ACSM4: variants seen among roughly 807,000 people sequenced by gnomAD.
ACSM4 encodes the protein acyl-CoA synthetase medium chain family member 4.
A neutral mutation model predicts 73.0 loss-of-function variants in ACSM4; 66 were observed. That is an observed-to-expected ratio of 0.90 (90% CI 0.74 to 1.11). The LOEUF (loss-of-function observed/expected upper bound fraction) is 1.11, where lower values mean the gene tolerates loss of function less well. ACSM4 is among the 50% of genes least tolerant of loss of function. The pLI is 0.00. For missense variants in ACSM4, 645 were observed against 714.4 expected (o/e 0.90, Z 1.11); for synonymous variants, 222 against 254.0 (o/e 0.87, Z 1.20).
intron 3 of ACSM4, among the ~76,000 whole-genome samples, chr12:7,313,035 G>A (rs1946400182): frequency 6.6e-6 from 1 of 152,116 alleles, no homozygotes; most frequent in South Asian, 2.1e-4. Flanking sequence ...TTGTGCCACT[G>A]CACTCTAGCC....
chr12:7,325,641 T>C (rs1328076744), intron 11 of ACSM4, among the ~76,000 whole-genome samples: 2 of 152,174 alleles, frequency 1.3e-5, no homozygotes, highest in African/African-American at 4.8e-5. Context: ...AGACAGACTC[T>C]GTCTCAAAGA....
chr12:7,323,281 A>G lies in ACSM4; in HGVS notation c.1173A>G (p.Ser391=). 1 of 1,611,554 alleles carries G rather than the reference A, an allele frequency of 6.2e-7. No individual in the cohort carries two copies. The highest frequency in any genetic ancestry group is 8.5e-7 in the Non-Finnish European group (1 of 1,178,954). ...NQKGQEIKPG[S]MGKGMLPYDV... ...AAGGCCAAGAAATTAAACCAGGTTC[A>G]ATGGGGAAAGGAATGCTGCCCTATG... The change falls in exon 8 of 13, where the codon TCA becomes TCG. Residue 391 remains serine (S), a synonymous_variant. Coordinates refer to ENST00000399422, the MANE Select transcript of ACSM4 (RefSeq NM_001080454.2).
At chr12:7,310,454 T>C (rs763834017) in intron 2 of ACSM4, 85 bp from the exon 3 acceptor site, 1 of 1,311,972 alleles carries the variant, frequency 7.6e-7, no homozygotes, top group Non-Finnish European at 1.1e-6. Context: ...TGGATTGTGA[T>C]GCTTCTCCTC....
At chr12:7,322,610 C>A (rs1946472568) in intron 7 of ACSM4, 69 bp downstream of exon 7, 8 of 1,519,374 alleles carry the variant, frequency 5.3e-6, no homozygotes, top group Non-Finnish European at 7.1e-6. Context: ...TCAACTGAGC[C>A]CCTGAAGTGC....
At chr12:7,317,577 C>G (rs1027005124) in intron 4 of ACSM4, among the ~76,000 whole-genome samples, 1 of 152,180 alleles carries the variant, frequency 6.6e-6, no homozygotes, top group African/African-American at 2.4e-5. Flanking sequence ...GAGAGGCTAT[C>G]CGACCATTGT....
chr12:7,328,597 A>C lies in ACSM4; in HGVS notation c.*224A>C. On this transcript the variant is annotated 3_prime_UTR_variant, in exon 13 of 13. Transcript: ENST00000399422. The stretch of plus-strand genomic sequence containing the variant: ...TATAATGACCAAACTGACAAAGGTA[A>C]TGATGATGATTTGTAGTGTTTAAAA... 3.2e-6 allele frequency: 1 copy of C among 314,596 alleles called. No homozygotes were observed. Among genetic ancestry groups the C allele is most frequent in the South Asian group, 3.5e-5 (1 of 28,208 alleles). The allele number at this position is 314,596 out of a possible 1,614,324, so 19.5% of individuals were successfully genotyped here.
intron 11 of ACSM4, among the ~76,000 whole-genome samples, chr12:7,326,678 T>C (rs974801025): frequency 2.0e-5 from 3 of 152,232 alleles, no homozygotes; most frequent in African/African-American, 7.2e-5. Context: ...AAGGACTGTC[T>C]GTGTAATAAA....
intron 3 of ACSM4, among the ~76,000 whole-genome samples, chr12:7,314,630 A>T (rs1565753113): frequency 6.6e-6 from 1 of 152,128 alleles, no homozygotes; most frequent in Non-Finnish European, 1.5e-5. Flanking sequence ...ATAGATAGAC[A>T]GATAGATAGA....
chr12:7,322,689 T>G, intron 7 of ACSM4, 148 bp downstream of exon 7: 1 of 967,688 alleles, frequency 1.0e-6, no homozygotes, highest in Non-Finnish European at 1.5e-6. Context: ...TACCAAAACT[T>G]GCAGATTGCT....
rs180877036 is a variant in ACSM4, at chr12:7,306,695, C to T, written c.364C>T (p.Pro122Ser). 37 of 1,611,694 alleles carry T rather than the reference C, an allele frequency of 2.3e-5. No homozygotes were observed. In the East Asian group the frequency reaches 7.6e-4, roughly 33 times the overall value. The part of the protein sequence containing the change: ...QRGDRLAVIL[P>S]RIPEWWLVNV... ...AGGAGACCGTTTGGCCGTGATTCTG[C>T]CCAGAATCCCTGAGTGGTGGCTGGT... The change falls in exon 2 of 13, where the codon CCC becomes TCC. Residue 122 changes from proline to serine, a missense_variant. Coordinates refer to ENST00000399422, the MANE Select transcript of ACSM4 (RefSeq NM_001080454.2).
chr12:7,306,520 T>A lies in ACSM4; in HGVS notation c.202-13T>A. On this transcript the variant is annotated splice_polypyrimidine_tract_variant and intron_variant, in intron 1 of 12. Coordinates refer to ENST00000399422, the MANE Select transcript of ACSM4 (RefSeq NM_001080454.2). Reference sequence around the variant, plus strand: ...TAAACCTACCCCTCTCTTTTCCATGTGTCCCTGGTCAGACAGGGGAGAGAC... The same window carrying A: ...TAAACCTACCCCTCTCTTTTCCATGAGTCCCTGGTCAGACAGGGGAGAGAC... The A allele has an allele frequency of 6.4e-7, 1 of 1,573,862 alleles. No individual in the cohort carries two copies. The highest frequency in any genetic ancestry group is 8.6e-7 in the Non-Finnish European group (1 of 1,159,222).
intron 3 of ACSM4, among the ~76,000 whole-genome samples, chr12:7,314,248 A>C (rs1296831741): frequency 1.3e-5 from 2 of 152,206 alleles, no homozygotes; most frequent in Admixed American, 1.3e-4. Flanking sequence ...AGGTTAACAT[A>C]ATAAGTTTAG....
chr12:7,320,953 G>A (rs947638340), intron 6 of ACSM4, 149 bp downstream of exon 6: 11 of 729,974 alleles, frequency 1.5e-5, no homozygotes, highest in Admixed American at 4.3e-5. Context: ...GTCGGAGGAC[G>A]GTCGTATGCA....
chr12:7,305,803 C>G (rs1946358582), intron 1 of ACSM4, among the ~76,000 whole-genome samples: 1 of 152,088 alleles, frequency 6.6e-6, no homozygotes, highest in Admixed American at 6.5e-5. Context: ...ATTTGCCAGC[C>G]AGAGAAGATA....
intron 3 of ACSM4, among the ~76,000 whole-genome samples, chr12:7,313,684 T>C (rs756191760): frequency 6.6e-6 from 1 of 152,172 alleles, no homozygotes; most frequent in Non-Finnish European, 1.5e-5. Flanking sequence ...ATTCTGATCA[T>C]GAGGGGTTCA....
rs142488856 is a variant in ACSM4 at position 7,315,468 on chromosome 12, G to A, written c.621-1669G>A. Among the ~76,000 whole-genome samples the A allele has an allele frequency of 2.1e-3, 312 of 151,516 alleles. 1 individual carries two copies. The highest frequency in any genetic ancestry group is 6.9e-3 in the African/African-American group (287 of 41,300). ...TGTACTAAAAATATAAAAATTAGCC[G>A]GGTGTCGTGGTGCATTGTCTGTAGT... On this transcript the variant is annotated intron_variant, in intron 3 of 12. Transcript: ENST00000399422.
chr12:7,314,813 G>A lies in ACSM4; in HGVS notation c.621-2324G>A, dbSNP rs78103591. The stretch of plus-strand genomic sequence containing the variant: ...ATACACTGAAAAGAAAATCAATATA[G>A]TTGAATGAATGATCTTTTTCTATTT... On this transcript the variant is annotated intron_variant, in intron 3 of 12. Coordinates refer to ENST00000399422, the MANE Select transcript of ACSM4 (RefSeq NM_001080454.2). 3.6e-3 allele frequency among the ~76,000 whole-genome samples: 548 copies of A among 152,300 alleles called. 3 individuals are homozygous for A. Among genetic ancestry groups the A allele is most frequent in the African/African-American group, 0.013 (534 of 41,548 alleles).
intron 11 of ACSM4, among the ~76,000 whole-genome samples, chr12:7,324,888 A>T (rs1002231535): frequency 6.6e-6 from 1 of 151,544 alleles, no homozygotes; most frequent in Non-Finnish European, 1.5e-5. Flanking sequence ...AAGTACAGCC[A>T]CATCCAAAGG....
intron 6 of ACSM4, among the ~76,000 whole-genome samples, chr12:7,321,454 G>A (rs899639408): frequency 6.6e-6 from 1 of 152,190 alleles, no homozygotes; most frequent in Non-Finnish European, 1.5e-5. Flanking sequence ...CCAAAGTGTG[G>A]TTGCCCAAGA....
Sources: gnomAD v4.1 joint callset for allele counts (sites outside exome capture counted in the v4.1 genomes callset) on GRCh38, gnomAD v4.1.1 for gene constraint, MANE v1.5 for transcripts, NCBI Gene and HGNC (gene_info 2026-07-23, HGNC 2026-07-21) for gene names.